SAMMSON: variants seen among roughly 807,000 people sequenced by gnomAD.
The protein encoded by SAMMSON is long intergenic non-protein coding RNA 1212.
At chr3:70,283,096 G>T (rs1702105386) in intron 6 of SAMMSON, among the ~76,000 whole-genome samples, 1 of 152,106 alleles carries the variant, frequency 6.6e-6, no homozygotes, top group Non-Finnish European at 1.5e-5. Context: ...TAGGTCTTGG[G>T]TATATTAATA....
intron 3 of SAMMSON, among the ~76,000 whole-genome samples, chr3:70,051,766 A>G (rs1329513366): frequency 2.0e-5 from 3 of 151,846 alleles, no homozygotes; most frequent in Admixed American, 2.0e-4. Context: ...TCTGACATTT[A>G]ATTTCTTAGC....
intron 4 of SAMMSON, among the ~76,000 whole-genome samples, chr3:70,164,963 C>T (rs1055333411): frequency 2.0e-5 from 3 of 151,984 alleles, no homozygotes; most frequent in Admixed American, 1.3e-4. Context: ...AGAAACAGTG[C>T]ATTAGTATCT....
intron 3 of SAMMSON, among the ~76,000 whole-genome samples, chr3:70,056,402 C>T (rs920641613): frequency 6.6e-6 from 1 of 151,984 alleles, no homozygotes; most frequent in East Asian, 1.9e-4. Context: ...GAAAGACTTA[C>T]GAGCTTCTTA....
intron 3 of SAMMSON, chr3:70,025,246 A>C (rs1271638502): frequency 6.6e-6 from 1 of 151,910 alleles, no homozygotes; most frequent in African/African-American, 2.4e-5. Context: ...TTTTATTTTT[A>C]TTTATTTATT....
chr3:70,040,045 T>C (rs1010916044), intron 3 of SAMMSON, among the ~76,000 whole-genome samples: 1 of 152,094 alleles, frequency 6.6e-6, no homozygotes, highest in African/African-American at 2.4e-5. Flanking sequence ...ATTTCAACTT[T>C]TTGGGCTTTA....
At chr3:70,278,239 A>G (rs1444599736) in intron 6 of SAMMSON, among the ~76,000 whole-genome samples, 2 of 152,142 alleles carry the variant, frequency 1.3e-5, no homozygotes, top group Non-Finnish European at 2.9e-5. Flanking sequence ...TGAAAGATTC[A>G]TTTACATTCT....
At chr3:70,238,975 C>T (rs4425219) in intron 4 of SAMMSON, among the ~76,000 whole-genome samples, 2 of 151,948 alleles carry the variant, frequency 1.3e-5, no homozygotes, top group African/African-American at 4.8e-5. Flanking sequence ...CTTTCTAACT[C>T]CTAAAATATT....
At chr3:70,236,171 G>A (rs1701606898) in intron 4 of SAMMSON, among the ~76,000 whole-genome samples, 1 of 152,076 alleles carries the variant, frequency 6.6e-6, no homozygotes, top group South Asian at 2.1e-4. Flanking sequence ...CCTTCGCATA[G>A]ATGACTGCTA....
chr3:70,423,481 A>T (rs1701329545), intron 2 of SAMMSON, among the ~76,000 whole-genome samples: 1 of 152,120 alleles, frequency 6.6e-6, no homozygotes, highest in Non-Finnish European at 1.5e-5. Flanking sequence ...CCTTCTACCT[A>T]ATAGCGTCTG....
chr3:70,360,867 T>C (rs1187257020), intron 9 of SAMMSON, among the ~76,000 whole-genome samples: 3 of 152,186 alleles, frequency 2.0e-5, no homozygotes, highest in Non-Finnish European at 4.4e-5. Context: ...TAATTCTAAA[T>C]GAAGAAGCCC....
chr3:70,273,210 G>A (rs79790579), intron 6 of SAMMSON, among the ~76,000 whole-genome samples: 170 of 152,320 alleles, frequency 1.1e-3, no homozygotes, highest in African/African-American at 3.9e-3. Flanking sequence ...TCATGCAGAT[G>A]TGAATGTTTG....
chr3:70,245,671 TTATATA>T (rs34480688), intron 4 of SAMMSON, among the ~76,000 whole-genome samples: 4,615 of 57,174 alleles, frequency 0.081, 191 homozygotes, highest in African/African-American at 0.15. Flanking sequence ...GCAAACTGCT[TTATATA>T]TATATATATA....
At chr3:70,215,698 A>C (rs986189787) in intron 4 of SAMMSON, among the ~76,000 whole-genome samples, 5 of 152,062 alleles carry the variant, frequency 3.3e-5, no homozygotes, top group Admixed American at 6.6e-5. Flanking sequence ...TCTGTTGTGA[A>C]CTCCTTGAGG....
intron 4 of SAMMSON, among the ~76,000 whole-genome samples, chr3:70,227,518 A>G (rs548653990): frequency 1.3e-5 from 2 of 152,316 alleles, no homozygotes; most frequent in South Asian, 4.1e-4. Flanking sequence ...ATAGAGGGAC[A>G]AGGCTAGAAG....
intron 6 of SAMMSON, among the ~76,000 whole-genome samples, chr3:70,267,530 G>A (rs1215684453): frequency 6.7e-6 from 1 of 148,436 alleles, no homozygotes; most frequent in African/African-American, 2.5e-5. Context: ...AGCTTCCCGA[G>A]TAGCTGGGAC....
chr3:70,022,876 G>A (rs182589892), intron 3 of SAMMSON, among the ~76,000 whole-genome samples: 3 of 152,274 alleles, frequency 2.0e-5, no homozygotes, highest in Admixed American at 1.3e-4. Flanking sequence ...AATTGTTTTT[G>A]TTATCATTTT....
Position 70,022,497 on chromosome 3 carries a change from A to G in SAMMSON, n.417+8825A>G, listed in dbSNP as rs550513222. On this transcript the variant is annotated intron_variant and non_coding_transcript_variant, in intron 3 of 9. Coordinates refer to ENST00000642114, the Ensembl canonical transcript of SAMMSON. ...CAGTAGGGAAGACAGACAACCAGTT[A>G]TTTATGAGTCCTCGTGTTTTTTTGG... is the stretch of plus-strand genomic sequence containing the variant. 8.4e-4 allele frequency among the ~76,000 whole-genome samples: 125 copies of G among 149,206 alleles called. 2 individuals carry two copies. The highest frequency in any genetic ancestry group is 7.2e-3 in the Admixed American group (108 of 14,982).
At chr3:70,427,437 CCTCTTAAAAATGTCCAAAAGGG>C (rs1701378852) in intron 2 of SAMMSON, among the ~76,000 whole-genome samples, 1 of 152,096 alleles carries the variant, frequency 6.6e-6, no homozygotes, top group African/African-American at 2.4e-5. Flanking sequence ...AAAAGGTGAT[CCTCTTAAAAATGTCCAAAAGGG>C]CCGGGCGCGG....
intron 7 of SAMMSON, among the ~76,000 whole-genome samples, chr3:70,314,748 A>G (rs1702484317): frequency 6.6e-6 from 1 of 152,244 alleles, no homozygotes; most frequent in East Asian, 1.9e-4. Context: ...TAAAATTCCA[A>G]GATGGATTTG....
Sources: allele counts gnomAD v4.1 joint callset (sites outside exome capture counted in the v4.1 genomes callset), GRCh38; gene constraint gnomAD v4.1.1; transcripts MANE v1.5; gene names NCBI Gene and HGNC (gene_info 2026-07-23, HGNC 2026-07-21).